Variants in PHKA1 observed in about 807,000 individuals in gnomAD.
PHKA1 encodes phosphorylase b kinase regulatory subunit alpha, skeletal muscle isoform.
Under a neutral mutation model 110.2 loss-of-function variants are expected in PHKA1, and 60 were observed. The ratio of observed to expected loss-of-function variants is 0.54; its 90% CI spans 0.44 to 0.68. The LOEUF (loss-of-function observed/expected upper bound fraction) is 0.68, where lower values mean the gene tolerates loss of function less well. Ranked by LOEUF, PHKA1 falls within the 30% of genes least tolerant of loss-of-function variation. The pLI is 0.00. For synonymous variants in PHKA1, 316 were observed against 333.6 expected (o/e 0.95, Z 0.58); for missense variants, 801 against 942.5 (o/e 0.85, Z 1.97).
intron 2 of PHKA1, among the ~76,000 whole-genome samples, chrX:72,707,630 CGTGT>C (rs61504690): frequency 0.052 from 4,826 of 93,428 alleles, 294 homozygotes; most frequent in African/African-American, 0.17. Flanking sequence ...ATCAAAAAAT[CGTGT>C]GTGTGTGTGT....
chrX:72,678,899 T>A (rs1321832572), intron 5 of PHKA1, among the ~76,000 whole-genome samples: 2 of 111,908 alleles, frequency 1.8e-5, no homozygotes, highest in African/African-American at 6.5e-5. Context: ...AAACAGAGCC[T>A]GGCAGACTCC....
chrX:72,679,628 A>G (rs1556313366), intron 5 of PHKA1, among the ~76,000 whole-genome samples: 1 of 111,498 alleles, frequency 9.0e-6, no homozygotes, highest in East Asian at 2.8e-4. Flanking sequence ...ACTTTTAGCG[A>G]TAAAACTGTA....
chrX:72,655,369 C>T (rs2053480210), intron 10 of PHKA1, among the ~76,000 whole-genome samples: 1 of 111,711 alleles, frequency 9.0e-6, no homozygotes, highest in Non-Finnish European at 1.9e-5. Flanking sequence ...GCCATGATCA[C>T]GCCACTGCAC....
intron 12 of PHKA1, among the ~76,000 whole-genome samples, chrX:72,652,332 G>A (rs185622246): frequency 5.4e-5 from 6 of 111,394 alleles, no homozygotes; most frequent in East Asian, 5.7e-4. Flanking sequence ...AGGGAGCCCC[G>A]GGCAGCAGGA....
chrX:72,616,131 T>C (rs782644250), intron 21 of PHKA1, among the ~76,000 whole-genome samples: 1 of 111,542 alleles, frequency 9.0e-6, no homozygotes, highest in South Asian at 3.8e-4. Context: ...TCTGGGAGGC[T>C]GAGGCAGAAG....
Position 72,620,735 on chromosome X carries a change from C to T in PHKA1, c.2127G>A (p.Leu709=), listed in dbSNP as rs1362965016. 1 of 1,205,862 alleles carries T rather than the reference C, an allele frequency of 8.3e-7. No individual in the cohort carries two copies. The highest frequency in any genetic ancestry group is 1.1e-6 in the Non-Finnish European group (1 of 892,934). The change falls in exon 19 of 32, where the codon CTG becomes CTA. Residue 709 remains leucine (L), a synonymous_variant. Coordinates refer to ENST00000373542, the MANE Select transcript of PHKA1 (RefSeq NM_002637.4). The part of the protein sequence containing the change: ...LMSLVTKAKE[L]HVQNVHMYLP... ...CACGGCATTACTCACTCTGTACATG[C>T]AGTTCCTTGGCCTTGGTCACCAAGG...
At chrX:72,681,191 G>T (rs1274897444) in intron 5 of PHKA1, among the ~76,000 whole-genome samples, 14 of 101,539 alleles carry the variant, frequency 1.4e-4, no homozygotes, top group Non-Finnish European at 2.7e-4. Flanking sequence ...CATCTGGGAT[G>T]TGAGGAGCGC....
In PHKA1 at chrX:72,628,625, T is replaced by C. The variant is rs193291679; in HGVS notation, c.1715-1576A>G. On this transcript the variant is annotated intron_variant, in intron 16 of 31. Transcript: ENST00000373542. ...TTTTTTTTCAAATGGAGTCTGCCTC[T>C]GTCATGCAGGCTGGAGTGCAGTGGT... is the stretch of plus-strand genomic sequence containing the variant. Among the ~76,000 whole-genome samples, 628 of 105,404 alleles carry C rather than the reference T, an allele frequency of 6.0e-3. 7 individuals carry two copies. The highest frequency in any genetic ancestry group is 0.021 in the African/African-American group (593 of 28,786). 91.5% of individuals were successfully genotyped at this position (105,404 alleles called of 115,157 possible). A position where few individuals can be genotyped will look rare whatever the true frequency, so the allele number is the denominator to read the frequency against.
At chrX:72,650,248 C>T (rs928824989) in intron 13 of PHKA1, 142 bp downstream of exon 13, 25 of 499,744 alleles carry the variant, frequency 5.0e-5, no homozygotes, top group Non-Finnish European at 7.9e-5. Flanking sequence ...GAAACCAAAC[C>T]GAACAAAGTT....
At chrX:72,610,190 A>C (rs1556258224) in intron 22 of PHKA1, among the ~76,000 whole-genome samples, 1 of 110,994 alleles carries the variant, frequency 9.0e-6, no homozygotes, top group Non-Finnish European at 1.9e-5. Context: ...TAGTCACCCT[A>C]TTGTGACACC....
intron 5 of PHKA1, among the ~76,000 whole-genome samples, chrX:72,683,562 G>A (rs1490828101): frequency 1.8e-5 from 2 of 112,224 alleles, no homozygotes; most frequent in East Asian, 2.8e-4. Context: ...GTTTTCATGC[G>A]TGAAACTATC....
At chrX:72,643,269 G>A (rs960364917) in intron 14 of PHKA1, among the ~76,000 whole-genome samples, 13 of 110,771 alleles carry the variant, frequency 1.2e-4, no homozygotes, top group African/African-American at 2.0e-4. Context: ...ACACACACAC[G>A]CGCGCACACA....
intron 5 of PHKA1, among the ~76,000 whole-genome samples, chrX:72,681,222 G>A (rs1464418014): frequency 1.6e-4 from 16 of 99,152 alleles, no homozygotes; most frequent in South Asian, 5.3e-4. Flanking sequence ...CCAAGACCCC[G>A]TCTGGGAGGT....
Position 72,707,630 on chromosome X carries a change from C to CGTGT in PHKA1, c.238-2389_238-2386dup, listed in dbSNP as rs61504690. Among the ~76,000 whole-genome samples, 4,660 of 93,572 alleles carry CGTGT rather than the reference C, an allele frequency of 0.05. 409 individuals carry two copies. The East Asian group carries it at 0.52, about 10-fold the overall frequency. The allele number at this position is 93,572 out of a possible 115,157, so 81.3% of individuals were successfully genotyped here. A position where few individuals can be genotyped will look rare whatever the true frequency, so the allele number is the denominator to read the frequency against. On this transcript the variant is annotated intron_variant, in intron 2 of 31. Coordinates refer to ENST00000373542, the MANE Select transcript of PHKA1 (RefSeq NM_002637.4). ...ACTCTCAAAAGGCTTATCAAAAAAT[C>CGTGT]GTGTGTGTGTGTGTGTGTGTGTGTG...
Position 72,712,815 on chromosome X carries a change from C to G in PHKA1, c.201G>C (p.Arg67=). ...LGLAYRKNAD[R]DEDKAKAYEL... Reference sequence around the variant, plus strand: ...CATAGGCCTTTGCCTTATCCTCATCCCGGTCTGCATTCTTCCGATAGGCCA... The same window carrying G: ...CATAGGCCTTTGCCTTATCCTCATCGCGGTCTGCATTCTTCCGATAGGCCA... The change falls in exon 2 of 32, where the codon CGG becomes CGC. Residue 67 remains arginine (R), a synonymous_variant. Coordinates refer to ENST00000373542, the MANE Select transcript of PHKA1 (RefSeq NM_002637.4). 4 of 1,210,201 alleles carry G rather than the reference C, an allele frequency of 3.3e-6. No individual in the cohort carries two copies. Among genetic ancestry groups the G allele is most frequent in the South Asian group, 1.8e-5 (1 of 56,884 alleles).
intron 8 of PHKA1, among the ~76,000 whole-genome samples, chrX:72,663,704 G>A (rs1248697360): frequency 9.5e-6 from 1 of 105,253 alleles, no homozygotes; most frequent in Non-Finnish European, 1.9e-5. Context: ...CTCACAGGCT[G>A]GAAGAGAATG....
At chrX:72,624,035 C>T (rs1482630616) in intron 17 of PHKA1, among the ~76,000 whole-genome samples, 2 of 111,314 alleles carry the variant, frequency 1.8e-5, no homozygotes, top group Non-Finnish European at 1.9e-5. Flanking sequence ...AGTGAATTCA[C>T]GCAAGGATCA....
At chrX:72,600,172 T>C (rs2052640822) in intron 28 of PHKA1, among the ~76,000 whole-genome samples, 1 of 110,906 alleles carries the variant, frequency 9.0e-6, no homozygotes, top group East Asian at 2.8e-4. Context: ...AGTTAATATT[T>C]AGAAATAAGA....
rs553689263 is a variant in PHKA1 at position 72,646,195 on chromosome X, T to C, written c.1325-1699A>G. Among the ~76,000 whole-genome samples, 70 of 111,690 alleles carry C rather than the reference T, an allele frequency of 6.3e-4. No individual in the cohort carries two copies. In the South Asian group the frequency reaches 0.025, roughly 40 times the overall value. ...TATGCATCACTTGAAGGATTTTGTA[T>C]TTCATCTTTGGGCCATGCTTTCCAA... On this transcript the variant is annotated intron_variant, in intron 13 of 31. Coordinates refer to ENST00000373542, the MANE Select transcript of PHKA1 (RefSeq NM_002637.4).
Sources: allele counts gnomAD v4.1 joint callset (sites outside exome capture counted in the v4.1 genomes callset), GRCh38; gene constraint gnomAD v4.1.1; transcripts MANE v1.5; gene names NCBI Gene and HGNC (gene_info 2026-07-23, HGNC 2026-07-21).